Variants in ZNF385A observed in about 807,000 individuals in gnomAD.
ZNF385A encodes the protein zinc finger protein 385A.
In ZNF385A, 14 loss-of-function variants were observed where a neutral mutation model predicts 32.1. That is an observed-to-expected ratio of 0.44 (90% confidence interval 0.29 to 0.68). The LOEUF (loss-of-function observed/expected upper bound fraction) is 0.68, where lower values mean the gene tolerates loss of function less well. Among genes scored for constraint, ZNF385A ranks in the 30% least tolerant of loss-of-function variants. The pLI, the probability that ZNF385A is intolerant of heterozygous loss-of-function variation, is 0.14. For missense variants in ZNF385A, 406 were observed against 478.4 expected (o/e 0.85, Z 1.41); for synonymous variants, 197 against 202.7 (o/e 0.97, Z 0.24).
chr12:54,371,132 A>T lies in ZNF385A; in HGVS notation c.605-36T>A, dbSNP rs1170259841. 3.9e-6 allele frequency: 6 copies of T among 1,548,886 alleles called. No homozygotes were observed. In the South Asian group the frequency reaches 5.0e-5, roughly 13 times the overall value. On this transcript the variant is annotated intron_variant, in intron 4 of 6. Transcript: ENST00000394313. Reference sequence around the variant, plus strand: ...GAGAGGGCAGGAGGTAAGGGGTGGAAGAAAAATTATCCAGGCCTACTGGGC... The same window carrying T: ...GAGAGGGCAGGAGGTAAGGGGTGGATGAAAAATTATCCAGGCCTACTGGGC...
chr12:54,370,969 C>G lies in ZNF385A; in HGVS notation c.732G>C (p.Glu244Asp). 6.2e-7 allele frequency: 1 copy of G among 1,614,186 alleles called. No individual in the cohort carries two copies. The highest frequency in any genetic ancestry group is 8.5e-7 in the Non-Finnish European group (1 of 1,180,034). The part of the protein sequence containing the change: ...APAQDRTFHC[E>D]ICNVKVNSEV... ...CCGAGTTGACCTTGACATTGCAGAT[C>G]TCACAGTGGAAAGTTCGGTCCTGGG... Residue 244 changes from glutamate to aspartate, a missense_variant, in exon 5 of 7, where the codon GAG (glutamate) becomes GAC (aspartate). Glu to Asp is a conservative substitution (Grantham distance 45, BLOSUM62 2). Coordinates refer to ENST00000394313, the MANE Select transcript of ZNF385A (RefSeq NM_015481.3). This position sits in a 1 kb window ranked among gnomAD's most constrained non-coding sequence, Gnocchi z 5.5.
Position 54,374,052 on chromosome 12 carries a change from C to A in ZNF385A, c.282G>T (p.Glu94Asp), listed in dbSNP as rs375747147. ...GIEAAKTRGR[E>D]PGVREPGDPA... is the part of the protein sequence containing the mutation. ...GGTCTCCAGGTTCTCGGACGCCAGG[C>A]TCCCTGCCTCTGGTCTTGGCAGCCT... The change falls in exon 3 of 7, where the codon GAG (glutamate) becomes GAT (aspartate). Residue 94 changes from glutamate (E) to aspartate (D), a missense_variant. Glu to Asp is a conservative substitution (Grantham distance 45). Transcript: ENST00000394313. 6.2e-7 allele frequency: 1 copy of A among 1,602,752 alleles called. No homozygotes were observed. Among genetic ancestry groups the A allele is most frequent in the African/African-American group, 1.3e-5 (1 of 74,782 alleles).
chr12:54,378,453 G>T (rs1185609268), intron 1 of ZNF385A, among the ~76,000 whole-genome samples: 1 of 152,126 alleles, frequency 6.6e-6, no homozygotes, highest in Admixed American at 6.5e-5. Flanking sequence ...GCTCCCTGAC[G>T]CTGGGGCAAA....
intron 1 of ZNF385A, among the ~76,000 whole-genome samples, chr12:54,376,848 C>T (rs1435126720): frequency 1.3e-5 from 2 of 152,214 alleles, no homozygotes; most frequent in African/African-American, 4.8e-5. Context: ...AAAACTGCCT[C>T]CCTCAACAGT....
intron 1 of ZNF385A, among the ~76,000 whole-genome samples, chr12:54,380,124 G>T (rs78248969): frequency 1.3e-5 from 2 of 152,196 alleles, no homozygotes; most frequent in Admixed American, 1.3e-4. Flanking sequence ...AATTCTAGAA[G>T]AGGTCTAAGG....
chr12:54,376,589 G>A (rs1954859501), intron 1 of ZNF385A, among the ~76,000 whole-genome samples: 1 of 152,184 alleles, frequency 6.6e-6, no homozygotes, highest in Admixed American at 6.5e-5. Flanking sequence ...GACTAAATGG[G>A]GGGACCTAAG....
chr12:54,377,901 C>T (rs7294656), intron 1 of ZNF385A, among the ~76,000 whole-genome samples: 82,119 of 151,930 alleles, frequency 0.54, 26,018 homozygotes, highest in Non-Finnish European at 0.74. Context: ...CCTAGTTCTG[C>T]CTATGCTCTG....
chr12:54,381,768 T>C (rs1010265262), intron 1 of ZNF385A, among the ~76,000 whole-genome samples: 1 of 152,250 alleles, frequency 6.6e-6, no homozygotes, highest in African/African-American at 2.4e-5. Context: ...CCAAATTATA[T>C]GTCACCTGCT....
At chr12:54,375,801 C>T in intron 2 of ZNF385A, 43 bp downstream of exon 2, 3 of 1,570,054 alleles carry the variant, frequency 1.9e-6, no homozygotes, top group South Asian at 2.2e-5. Flanking sequence ...CCCCTGCTGC[C>T]CCTGCCCCAC....
At chr12:54,372,898 G>A in intron 3 of ZNF385A, 1 of 221,102 alleles carries the variant, frequency 4.5e-6, no homozygotes, top group South Asian at 4.2e-5. Context: ...AATTACCCGG[G>A]TGTGGTGGCA....
chr12:54,389,594 T>C (rs1955583153), upstream of ZNF385A, among the ~76,000 whole-genome samples: 1 of 152,224 alleles, frequency 6.6e-6, no homozygotes, highest in Admixed American at 6.5e-5. Flanking sequence ...AAGCAGGTCC[T>C]TGATGTCCTT....
At chr12:54,390,329 C>A (rs1955601535) in intron 1 of ZNF385A, among the ~76,000 whole-genome samples, 1 of 152,082 alleles carries the variant, frequency 6.6e-6, no homozygotes, top group Non-Finnish European at 1.5e-5. Flanking sequence ...CAGCTAGGCC[C>A]TTTCCTCCCC....
chr12:54,374,674 C>G (rs761508369), intron 2 of ZNF385A, among the ~76,000 whole-genome samples: 4 of 152,138 alleles, frequency 2.6e-5, no homozygotes, highest in Non-Finnish European at 2.9e-5. Context: ...ACCCTGGCCC[C>G]GAGCCCAGCT....
At chr12:54,385,069 T>A, upstream of ZNF385A, 2 of 188,716 alleles carry the variant, frequency 1.1e-5, no homozygotes, top group Non-Finnish European at 2.0e-5. Flanking sequence ...TCAGATGCCC[T>A]AGAATTAGAT....
chr12:54,373,482 GAAAA>G (rs61690616), intron 3 of ZNF385A, among the ~76,000 whole-genome samples: 2 of 144,470 alleles, frequency 1.4e-5, no homozygotes, highest in Non-Finnish European at 3.0e-5. Flanking sequence ...CTATTTCCCA[GAAAA>G]AAAAAAAAAA....
chr12:54,381,803 G>T (rs934539957), intron 1 of ZNF385A, among the ~76,000 whole-genome samples: 4 of 152,202 alleles, frequency 2.6e-5, no homozygotes, highest in South Asian at 4.1e-4. Flanking sequence ...TTTTTCCTCT[G>T]CTCTCTGTTT....
intron 1 of ZNF385A, among the ~76,000 whole-genome samples, chr12:54,378,911 G>T (rs1266578930): frequency 1.3e-5 from 2 of 152,122 alleles, no homozygotes; most frequent in Non-Finnish European, 2.9e-5. Context: ...TCCCGAGATT[G>T]GTTAGGGCCG....
rs765522720 is a variant in ZNF385A at position 54,371,086 on chromosome 12, G to A, written c.615C>T (p.His205=). The change falls in exon 5 of 7, where the codon CAC becomes CAT. Residue 205 remains histidine, a synonymous_variant. Coordinates refer to ENST00000394313, the MANE Select transcript of ZNF385A (RefSeq NM_015481.3). ...CACTTCGGGCCTCCAGAATTGTCTT[G>A]TGCTTAGTACCTGGAGCCCAGAGAG... ...QLEAHNKGTK[H]KTILEARSGL... is the part of the protein sequence containing the mutation. 7 of 1,607,312 alleles carry A rather than the reference G, an allele frequency of 4.4e-6. No homozygotes were observed. Among genetic ancestry groups the A allele is most frequent in the Non-Finnish European group, 4.2e-6 (5 of 1,177,446 alleles).
chr12:54,381,086 C>T (rs2137259126), intron 1 of ZNF385A, among the ~76,000 whole-genome samples: 1 of 151,762 alleles, frequency 6.6e-6, no homozygotes, highest in African/African-American at 2.4e-5. Flanking sequence ...GCCACAGCTA[C>T]TCTGGAGGCT....
Sources: gnomAD v4.1 joint callset for allele counts (sites outside exome capture counted in the v4.1 genomes callset) on GRCh38, gnomAD v4.1.1 for gene constraint, Gnocchi (gnomAD v3.1) non-coding constraint, MANE v1.5 for transcripts, NCBI Gene and HGNC (gene_info 2026-07-23, HGNC 2026-07-21) for gene names.